Variants in IRF6 observed in about 807,000 individuals in gnomAD.
IRF6 encodes Van der Woude syndrome.
IRF6 carries 6 observed loss-of-function variants against 51.4 expected under a neutral mutation model. The ratio of observed to expected loss-of-function variants is 0.12; its 90% CI spans 0.06 to 0.23. IRF6 has a LOEUF of 0.23. Among genes scored for constraint, IRF6 ranks in the 10% least tolerant of loss-of-function variants. IRF6 has a pLI of 1.00. For synonymous variants in IRF6, 178 were observed against 215.7 expected (o/e 0.83, Z 1.53); for missense variants, 348 against 585.2 (o/e 0.59, Z 4.18).
chr1:209,786,666 C>G lies in IRF6; in HGVS notation c.*1754G>C, dbSNP rs922930878. Reference sequence around the variant, plus strand: ...CCAACTTTTCCTCGAAGCTGGGCACCTGACCTTTAGCCAGGTTTCTTAATC... The same window carrying G: ...CCAACTTTTCCTCGAAGCTGGGCACGTGACCTTTAGCCAGGTTTCTTAATC... On this transcript the variant is annotated 3_prime_UTR_variant, in exon 9 of 9. Coordinates refer to ENST00000367021, the MANE Select transcript of IRF6 (RefSeq NM_006147.4). 14 of 152,186 alleles carry G rather than the reference C, an allele frequency of 9.2e-5. No individual in the cohort carries two copies. The highest frequency in any genetic ancestry group is 1.9e-4 in the Non-Finnish European group (13 of 68,026). The allele number at this position is 152,186 out of a possible 1,614,324, so 9.4% of individuals were successfully genotyped here.
At chr1:209,802,937 C>T (rs1331103923) in intron 1 of IRF6, among the ~76,000 whole-genome samples, 3 of 152,210 alleles carry the variant, frequency 2.0e-5, no homozygotes, top group African/African-American at 7.2e-5. Flanking sequence ...CCCAACTCAG[C>T]GTCTGGCACT....
intron 5 of IRF6, among the ~76,000 whole-genome samples, chr1:209,793,636 C>T (rs527840168): frequency 7.9e-5 from 12 of 152,212 alleles, no homozygotes; most frequent in South Asian, 2.1e-4. Flanking sequence ...TTACATGTCC[C>T]GGGGTTTGGT....
chr1:209,804,542 C>T lies in IRF6; in HGVS notation c.-76+1405G>A, dbSNP rs146473828. ...CACCCAAATCCCAACGCCTGAAGAA[C>T]CACCTTAGCCTAGTTGAACTCATCT... On this transcript the variant is annotated intron_variant, in intron 1 of 8. Transcript: ENST00000367021. Among the ~76,000 whole-genome samples the T allele has an allele frequency of 2.4e-3, 368 of 152,298 alleles. 3 individuals are homozygous for T. The highest frequency in any genetic ancestry group is 8.4e-3 in the African/African-American group (348 of 41,546).
chr1:209,806,071 A>T lies in IRF6; in HGVS notation c.-200T>A, dbSNP rs1297928844. 1.3e-5 allele frequency: 2 copies of T among 152,272 alleles called. No homozygotes were observed. Among genetic ancestry groups the T allele is most frequent in the Non-Finnish European group, 1.5e-5 (1 of 68,130 alleles). 9.4% of individuals were successfully genotyped at this position (152,272 alleles called of 1,614,324 possible). ...GGCGCCTGGCTCTACCCAAGTAGGG[A>T]CTGCAGGTTCCTCTCCCCGTCCCGC... On this transcript the variant is annotated 5_prime_UTR_variant, in exon 1 of 9. Transcript: ENST00000367021.
In IRF6 at chr1:209,790,684, T is replaced by C; in HGVS notation, c.871A>G (p.Thr291Ala). The C allele has an allele frequency of 2.5e-6, 4 of 1,614,204 alleles. No individual in the cohort carries two copies. Among genetic ancestry groups the C allele is most frequent in the Non-Finnish European group, 3.4e-6 (4 of 1,180,040 alleles). Reference sequence around the variant, plus strand: ...TCCATGACGTCCAGCAGCTTGCTAGTGAACAGCTTCTGCTTCTCATTGGTA... The same window carrying C: ...TCCATGACGTCCAGCAGCTTGCTAGCGAACAGCTTCTGCTTCTCATTGGTA... Reference protein sequence around the residue: ...HITNEKQKLFTSKLLDVMDRG... With the variant: ...HITNEKQKLFASKLLDVMDRG... Residue 291 changes from threonine (T) to alanine (A), a missense_variant, in exon 7 of 9, where the codon ACT (threonine) becomes GCT (alanine). Thr to Ala is a moderately conservative substitution (Grantham distance 58). Coordinates refer to ENST00000367021, the MANE Select transcript of IRF6 (RefSeq NM_006147.4). The surrounding 1 kb of genome is among the most constrained non-coding windows in gnomAD (Gnocchi z 4.8).
rs2077860628 is a variant in IRF6, at chr1:209,790,191, G to A, written c.1060+304C>T. Reference sequence around the variant, plus strand: ...AACAGGATTACCTTCCAAAGTTAAAGACACGCTGGTAACATTTGAGGTGTA... The same window carrying A: ...AACAGGATTACCTTCCAAAGTTAAAAACACGCTGGTAACATTTGAGGTGTA... On this transcript the variant is annotated intron_variant, in intron 7 of 8. Transcript: ENST00000367021. The surrounding 1 kb of genome is among the most constrained non-coding windows in gnomAD (Gnocchi z 4.8). Among the ~76,000 whole-genome samples, 1 of 152,224 alleles carries A rather than the reference G, an allele frequency of 6.6e-6. No homozygotes were observed. Among genetic ancestry groups the A allele is most frequent in the African/African-American group, 2.4e-5 (1 of 41,458 alleles).
rs547340607 is a variant in IRF6 at position 209,799,283 on chromosome 1, TG to T, written c.174+1956del. 4.4e-3 allele frequency among the ~76,000 whole-genome samples: 667 copies of T among 152,214 alleles called. 4 individuals carry two copies. The highest frequency in any genetic ancestry group is 0.014 in the South Asian group (69 of 4,812). The stretch of plus-strand genomic sequence containing the variant: ...TTCTTGATCAGAAAGGGCAGTATAA[TG>T]GGGGGTGGGATGCAGACAGAAAGTC... On this transcript the variant is annotated intron_variant, in intron 3 of 8. Coordinates refer to ENST00000367021, the MANE Select transcript of IRF6 (RefSeq NM_006147.4).
intron 4 of IRF6, 27 bp from the exon 5 acceptor site, chr1:209,795,445 T>C (rs1482831579): frequency 1.9e-6 from 3 of 1,613,032 alleles, no homozygotes; most frequent in Admixed American, 1.7e-5. Context: ...AGCTCGCAGG[T>C]GAGCCATTCA....
At position 209,788,457 on chromosome 1, in the gene IRF6, G is replaced by A. The variant is rs1469909632; in HGVS notation, c.1367C>T (p.Pro456Leu). ...QESWQPMQPT[P>L]SMQLPPALPP... ...CAGGGCAGGGGGCAGTTGCATGCTG[G>A]GGGTGGGCTGCATGGGCTGCCAGCT... The change falls in exon 9 of 9, where the codon CCC becomes CTC. Residue 456 changes from proline to leucine, a missense_variant. Physicochemically the swap from Pro to Leu is moderately conservative, Grantham distance 98. Coordinates refer to ENST00000367021, the MANE Select transcript of IRF6 (RefSeq NM_006147.4). 3.1e-6 allele frequency: 5 copies of A among 1,613,836 alleles called. No individual in the cohort carries two copies. The African/African-American group carries it at 5.3e-5, about 17-fold the overall frequency.
chr1:209,792,029 TC>T (rs1431472456), intron 6 of IRF6, among the ~76,000 whole-genome samples: 1 of 152,152 alleles, frequency 6.6e-6, no homozygotes, highest in Non-Finnish European at 1.5e-5. Flanking sequence ...CAAGCACTCC[TC>T]CCACCTCAGC....
Position 209,801,055 on chromosome 1 carries a change from T to C in IRF6, c.174+185A>G, listed in dbSNP as rs140473800. ...AGTACCTTCAATGAGTGGGAAAGAA[T>C]AAACGGCTTCAACCATTGCAGACAT... On this transcript the variant is annotated intron_variant, in intron 3 of 8. Transcript: ENST00000367021. Among the ~76,000 whole-genome samples the C allele has an allele frequency of 8.5e-5, 13 of 152,202 alleles. No individual in the cohort carries two copies. The East Asian group carries it at 2.3e-3, about 27-fold the overall frequency.
rs1558041383 is a variant in IRF6 at position 209,796,837 on chromosome 1, GGCACTCATC to G, written c.175-294_175-286del. Among the ~76,000 whole-genome samples the G allele has an allele frequency of 6.6e-6, 1 of 152,154 alleles. No individual in the cohort carries two copies. The highest frequency in any genetic ancestry group is 2.1e-4 in the South Asian group (1 of 4,832). On this transcript the variant is annotated intron_variant, in intron 3 of 8. Transcript: ENST00000367021. This position sits in a 1 kb window ranked among gnomAD's most constrained non-coding sequence, Gnocchi z 4.5. Reference sequence around the variant, plus strand: ...GAACCTTATCTCAAGCACTGGTACCGGCACTCATCAAGACGACAATGCTCTAATGAAGGG... The same window carrying G: ...GAACCTTATCTCAAGCACTGGTACCGAAGACGACAATGCTCTAATGAAGGG...
At position 209,786,368 on chromosome 1, in the gene IRF6, C is replaced by T. The variant is rs1200152005; in HGVS notation, c.*2052G>A. The T allele has an allele frequency of 6.6e-6, 1 of 152,226 alleles. No individual in the cohort carries two copies. The highest frequency in any genetic ancestry group is 1.9e-4 in the East Asian group (1 of 5,198). The allele number at this position is 152,226 out of a possible 1,614,324, so 9.4% of individuals were successfully genotyped here. ...ACCAAAAGCTTGGCATTTCTTGGCA[C>T]TTTTCCAATACCCTTTACCAGCTCA... On this transcript the variant is annotated 3_prime_UTR_variant, in exon 9 of 9. Coordinates refer to ENST00000367021, the MANE Select transcript of IRF6 (RefSeq NM_006147.4).
chr1:209,790,402 CCAGGAAAG>C lies in IRF6; in HGVS notation c.1060+85_1060+92del. 1 of 1,447,838 alleles carries C rather than the reference CCAGGAAAG, an allele frequency of 6.9e-7. No individual in the cohort carries two copies. Among genetic ancestry groups the C allele is most frequent in the Non-Finnish European group, 9.7e-7 (1 of 1,033,480 alleles). The allele number at this position is 1,447,838 out of a possible 1,614,324, so 89.7% of individuals were successfully genotyped here. On this transcript the variant is annotated intron_variant, in intron 7 of 8. Coordinates refer to ENST00000367021, the MANE Select transcript of IRF6 (RefSeq NM_006147.4). This position sits in a 1 kb window ranked among gnomAD's most constrained non-coding sequence, Gnocchi z 4.8. ...TAAATTTTTTAAGATCTTTGCCATG[CCAGGAAAG>C]CAGGAAGGTGAAAGACAGGGATAGT...
chr1:209,796,291 A>G lies in IRF6; in HGVS notation c.379+57T>C. 1 of 1,404,362 alleles carries G rather than the reference A, an allele frequency of 7.1e-7. No homozygotes were observed. Among genetic ancestry groups the G allele is most frequent in the Non-Finnish European group, 1.0e-6 (1 of 991,656 alleles). 87.0% of individuals were successfully genotyped at this position (1,404,362 alleles called of 1,614,324 possible). A position where few individuals can be genotyped will look rare whatever the true frequency, so the allele number is the denominator to read the frequency against. On this transcript the variant is annotated intron_variant, in intron 4 of 8. Transcript: ENST00000367021. This position sits in a 1 kb window ranked among gnomAD's most constrained non-coding sequence, Gnocchi z 4.5. ...GTTTTCAAGTTGACTATCTCTTAAG[A>G]GTGCAGCCCAGAATCTGGCATGCTG...
chr1:209,798,638 C>T (rs961095370), intron 3 of IRF6, among the ~76,000 whole-genome samples: 4 of 152,064 alleles, frequency 2.6e-5, no homozygotes, highest in East Asian at 3.9e-4. Context: ...AGGCCAGGCG[C>T]GGTGGCTCAT....
In IRF6 at chr1:209,788,443, G is replaced by A. The variant is rs1404701973; in HGVS notation, c.1381C>T (p.Pro461Ser). 12 of 1,611,676 alleles carry A rather than the reference G, an allele frequency of 7.4e-6. No homozygotes were observed. Among genetic ancestry groups the A allele is most frequent in the Non-Finnish European group, 9.3e-6 (11 of 1,178,226 alleles). The change falls in exon 9 of 9, where the codon CCC (proline) becomes TCC (serine). Residue 461 changes from proline (P) to serine (S), a missense_variant. By Grantham distance (74) the Pro-to-Ser change is moderately conservative (BLOSUM62 -1). This residue lies in a region of IRF6 where 48 missense variants were observed against 66.9 expected (regional missense o/e 0.72). Transcript: ENST00000367021. ...PMQPTPSMQL[P>S]PALPPQ ...AATTACTGGGGAGGCAGGGCAGGGG[G>A]CAGTTGCATGCTGGGGGTGGGCTGC...
In IRF6 at chr1:209,796,217, A is replaced by G; in HGVS notation, c.379+131T>C. The G allele has an allele frequency of 1.3e-6, 1 of 763,652 alleles. No homozygotes were observed. The highest frequency in any genetic ancestry group is 2.1e-6 in the Non-Finnish European group (1 of 471,662). The allele number at this position is 763,652 out of a possible 1,614,324, so 47.3% of individuals were successfully genotyped here. ...ATCTTTTGTTTTCTGGGTCCTTCCC[A>G]GAGAAAGGCTTTCTTGCTTTATCCA... On this transcript the variant is annotated intron_variant, in intron 4 of 8. Transcript: ENST00000367021. The surrounding 1 kb of genome is among the most constrained non-coding windows in gnomAD (Gnocchi z 4.5).
chr1:209,799,510 C>T (rs1220801223), intron 3 of IRF6, among the ~76,000 whole-genome samples: 1 of 152,204 alleles, frequency 6.6e-6, no homozygotes, highest in African/African-American at 2.4e-5. Context: ...TAAAGGCCAT[C>T]AGAGCTTGGT....
Sources: gnomAD v4.1 joint callset for allele counts (sites outside exome capture counted in the v4.1 genomes callset) on GRCh38, gnomAD v4.1.1 for gene constraint, gnomAD v4.1.1 regional missense constraint, Gnocchi (gnomAD v3.1) non-coding constraint, MANE v1.5 for transcripts, NCBI Gene and HGNC (gene_info 2026-07-23, HGNC 2026-07-21) for gene names.